The following ST3GAL6 variants were observed in gnomAD, a reference collection of about 807,000 sequenced individuals.
ST3GAL6 encodes ST3 beta-galactoside alpha-2,3-sialyltransferase 6.
A neutral mutation model predicts 40.5 loss-of-function variants in ST3GAL6; 31 were observed. The ratio of observed to expected loss-of-function variants is 0.77; its 90% CI spans 0.58 to 1.03. The LOEUF (loss-of-function observed/expected upper bound fraction) is 1.03. Among genes scored for constraint, ST3GAL6 ranks in the 50% least tolerant of loss-of-function variants. ST3GAL6 has a pLI of 0.00. For missense variants in ST3GAL6, 357 were observed against 393.2 expected (o/e 0.91, Z 0.78); for synonymous variants, 129 against 136.9 (o/e 0.94, Z 0.40).
chr3:98,757,489 C>G (rs1267382392), intron 1 of ST3GAL6, among the ~76,000 whole-genome samples: 2 of 152,128 alleles, frequency 1.3e-5, no homozygotes, highest in Non-Finnish European at 2.9e-5. Flanking sequence ...CCAGCAACAC[C>G]TCAATTTAGT....
At chr3:98,732,988 T>A in intron 1 of ST3GAL6, 1 of 1,488,850 alleles carries the variant, frequency 6.7e-7, no homozygotes, top group Non-Finnish European at 8.9e-7. Context: ...CCGGCCGGCT[T>A]CGCTGCGGGT....
At chr3:98,747,413 AC>A (rs1936644288) in intron 1 of ST3GAL6, among the ~76,000 whole-genome samples, 1 of 152,196 alleles carries the variant, frequency 6.6e-6, no homozygotes, top group African/African-American at 2.4e-5. Context: ...ATGTTACATG[AC>A]TTAAACTACC....
rs112115496 is a variant in ST3GAL6 at position 98,784,948 on chromosome 3, A to G, written c.339A>G (p.Ile113Met). ...CACTTGTCCATCTGTCCAACAGCAT[A>G]CCCTGTAAAAAGTGTGTGGTGGTTG... Reference protein sequence around the residue: ...SCDLFDEFDNIPCKKCVVVGN... With the variant: ...SCDLFDEFDNMPCKKCVVVGN... The change falls in exon 6 of 10, where the codon ATA becomes ATG. Residue 113 changes from isoleucine to methionine, a missense_variant. By Grantham distance (10) the Ile-to-Met change is conservative. Coordinates refer to ENST00000483910, the MANE Select transcript of ST3GAL6 (RefSeq NM_001323368.2). 72,839 of 1,610,554 alleles carry G rather than the reference A, an allele frequency of 0.045. 1,823 individuals are homozygous for G. Among genetic ancestry groups the G allele is most frequent in the Non-Finnish European group, 0.048 (56,509 of 1,177,234 alleles).
chr3:98,743,367 A>G (rs948943275), intron 1 of ST3GAL6, among the ~76,000 whole-genome samples: 6 of 151,798 alleles, frequency 4.0e-5, no homozygotes, highest in South Asian at 2.1e-4. Context: ...ATTTCCAGTT[A>G]TAAAGCAGCC....
intron 1 of ST3GAL6, among the ~76,000 whole-genome samples, chr3:98,755,139 C>A (rs1937324632): frequency 6.6e-6 from 1 of 152,214 alleles, no homozygotes; most frequent in African/African-American, 2.4e-5. Flanking sequence ...CCTCCACCTC[C>A]CGGTTCAAGC....
upstream of ST3GAL6, chr3:98,763,306 T>C (rs1937981015): frequency 7.8e-7 from 1 of 1,285,682 alleles, no homozygotes; most frequent in Non-Finnish European, 1.0e-6. Flanking sequence ...GTGAAATCTG[T>C]TGGCCATGTT....
intron 5 of ST3GAL6, among the ~76,000 whole-genome samples, chr3:98,776,342 A>T (rs943999090): frequency 6.6e-6 from 1 of 152,198 alleles, no homozygotes; most frequent in Non-Finnish European, 1.5e-5. Context: ...AAGTGACCTT[A>T]TGTAGTTCTC....
chr3:98,755,801 AT>A (rs1409353818), intron 1 of ST3GAL6, among the ~76,000 whole-genome samples: 2 of 114,850 alleles, frequency 1.7e-5, no homozygotes, highest in African/African-American at 6.5e-5. Flanking sequence ...GAGGTTTGAG[AT>A]TTTTTTCATT....
chr3:98,749,332 C>T lies in ST3GAL6; in HGVS notation c.-12+16800C>T, dbSNP rs1576043029. 2.0e-5 allele frequency among the ~76,000 whole-genome samples: 3 copies of T among 152,084 alleles called. No homozygotes were observed. In the East Asian group the frequency reaches 5.8e-4, roughly 29 times the overall value. ...TAAGTTGCCCTAAATTAAGATTCAC[C>T]TCATATTTGTAACTTAGCTCTAGGA... On this transcript the variant is annotated intron_variant, in intron 1 of 9. Transcript: ENST00000265261.
chr3:98,745,309 C>T (rs993120722), intron 1 of ST3GAL6, among the ~76,000 whole-genome samples: 17 of 152,206 alleles, frequency 1.1e-4, no homozygotes, highest in African/African-American at 3.4e-4. Flanking sequence ...CCTAGGATTA[C>T]AGGCGTGAGC....
chr3:98,783,497 A>G, intron 5 of ST3GAL6: 1 of 931,914 alleles, frequency 1.1e-6, no homozygotes, highest in Non-Finnish European at 1.3e-6. Context: ...AATGGACATC[A>G]GCCACATTTG....
chr3:98,750,712 A>C (rs147294816), intron 1 of ST3GAL6, among the ~76,000 whole-genome samples: 178 of 152,158 alleles, frequency 1.2e-3, no homozygotes, highest in African/African-American at 4.0e-3. Flanking sequence ...TGCTCTGCCC[A>C]CTCCTGCCAA....
intron 8 of ST3GAL6, among the ~76,000 whole-genome samples, 167 bp from the exon 9 acceptor site, chr3:98,791,674 A>T (rs1280386405): frequency 6.6e-6 from 1 of 152,214 alleles, no homozygotes; most frequent in Non-Finnish European, 1.5e-5. Context: ...GAGTTAAGGT[A>T]TATATGCATA....
chr3:98,787,542 C>G (rs2107335373), intron 6 of ST3GAL6, among the ~76,000 whole-genome samples: 1 of 152,268 alleles, frequency 6.6e-6, no homozygotes, highest in African/African-American at 2.4e-5. Flanking sequence ...TATAATATAG[C>G]AGATTTATAT....
chr3:98,750,494 C>T (rs574139964), intron 1 of ST3GAL6, among the ~76,000 whole-genome samples: 7 of 151,986 alleles, frequency 4.6e-5, no homozygotes, highest in South Asian at 2.1e-4. Context: ...AAGTAACATT[C>T]GAATGTTCCT....
At chr3:98,733,884 G>A (rs1935289254) in intron 1 of ST3GAL6, among the ~76,000 whole-genome samples, 2 of 152,192 alleles carry the variant, frequency 1.3e-5, no homozygotes, top group South Asian at 4.1e-4. Context: ...AACAGTGTGT[G>A]GGGGTAGGGA....
intron 6 of ST3GAL6, among the ~76,000 whole-genome samples, chr3:98,785,935 C>T (rs1047795562): frequency 6.6e-6 from 1 of 151,980 alleles, no homozygotes; most frequent in Non-Finnish European, 1.5e-5. Context: ...GATTTGTTGC[C>T]GTATTAGATG....
intron 3 of ST3GAL6, 116 bp downstream of exon 3, chr3:98,771,072 C>A (rs745337256): frequency 6.8e-7 from 1 of 1,468,576 alleles, no homozygotes; most frequent in Non-Finnish European, 9.2e-7. Flanking sequence ...AGTGGACACC[C>A]CATATTTAAG....
chr3:98,782,326 G>A lies in ST3GAL6; in HGVS notation c.336-2619G>A, dbSNP rs575476295. On this transcript the variant is annotated intron_variant, in intron 5 of 9. Coordinates refer to ENST00000483910, the MANE Select transcript of ST3GAL6 (RefSeq NM_001323368.2). ...AGGCTGCTATAGCTAATTGATGTAT[G>A]CAAGATGTAATTACAGCCATTGATA... 1.9e-5 allele frequency: 13 copies of A among 702,066 alleles called. No homozygotes were observed. In the East Asian group the frequency reaches 3.5e-4, roughly 19 times the overall value. 43.5% of individuals were successfully genotyped at this position (702,066 alleles called of 1,614,324 possible). A position where few individuals can be genotyped will look rare whatever the true frequency, so the allele number is the denominator to read the frequency against.
Sources: allele counts gnomAD v4.1 joint callset (sites outside exome capture counted in the v4.1 genomes callset), GRCh38; gene constraint gnomAD v4.1.1; transcripts MANE v1.5; gene names NCBI Gene and HGNC (gene_info 2026-07-23, HGNC 2026-07-21).